Variants in TIPIN observed in about 807,000 individuals in gnomAD.
The protein encoded by TIPIN is TIMELESS-interacting protein.
Under a neutral mutation model 35.6 loss-of-function variants are expected in TIPIN, and 29 were observed. The observed-to-expected ratio is 0.82, with a 90% confidence interval of 0.61 to 1.11. The LOEUF (loss-of-function observed/expected upper bound fraction) is 1.11, where lower values mean the gene tolerates loss of function less well. TIPIN is among the 50% of genes most tolerant of loss of function. The probability of loss-of-function intolerance (pLI) is 0.00; values close to 1 mark genes in which losing one functional copy is unlikely to be tolerated. For missense variants in TIPIN, 296 were observed against 345.4 expected (o/e 0.86, Z 1.13); for synonymous variants, 102 against 121.5 (o/e 0.84, Z 1.06).
intron 1 of TIPIN, chr15:66,382,409 G>A (rs1445120107): frequency 2.0e-6 from 2 of 982,960 alleles, no homozygotes; most frequent in Admixed American, 6.2e-5. Context: ...GGTTGTCCTT[G>A]TATTTCTTCT....
intron 1 of TIPIN, among the ~76,000 whole-genome samples, chr15:66,374,639 G>A (rs1342448113): frequency 6.6e-6 from 1 of 152,062 alleles, no homozygotes; most frequent in South Asian, 2.1e-4. Context: ...GAGTGCAATG[G>A]TGCCGTCTCG....
At chr15:66,341,048 C>A in intron 7 of TIPIN, 102 bp downstream of exon 7, 1 of 1,020,736 alleles carries the variant, frequency 9.8e-7, no homozygotes, top group Non-Finnish European at 1.5e-6. Flanking sequence ...CACTTTTCCA[C>A]TCCTAGAAGT....
In TIPIN at chr15:66,364,966, C is replaced by CAAAAA. The variant is rs138230933; in HGVS notation, c.-8-12016_-8-12012dup. On this transcript the variant is annotated intron_variant, in intron 1 of 7. Coordinates refer to the TIPIN transcript ENST00000562124. ...GGGTGACAAGAGTGAAACTCCATCT[C>CAAAAA]AAAAAAAAAGAAAAAGAAAAAGAAA... Among the ~76,000 whole-genome samples the CAAAAA allele has an allele frequency of 1.1e-3, 80 of 76,130 alleles. 3 individuals are homozygous for CAAAAA. Among genetic ancestry groups the CAAAAA allele is most frequent in the African/African-American group, 3.7e-3 (71 of 19,098 alleles). The allele number at this position is 76,130 out of a possible 152,430, so 49.9% of individuals were successfully genotyped here.
At chr15:66,382,407 T>A (rs777412928) in intron 1 of TIPIN, 1 of 983,226 alleles carries the variant, frequency 1.0e-6, no homozygotes, top group Non-Finnish European at 1.2e-6. Flanking sequence ...CTGGTTGTCC[T>A]TGTATTTCTT....
chr15:66,371,524 T>A (rs960110711), intron 1 of TIPIN: 69 of 433,808 alleles, frequency 1.6e-4, no homozygotes, highest in Admixed American at 2.6e-4. Context: ...GTTTCTTTTT[T>A]TTTTTTGGAG....
At chr15:66,371,103 C>T (rs546409665) in intron 1 of TIPIN, 13 of 403,140 alleles carry the variant, frequency 3.2e-5, no homozygotes, top group African/African-American at 1.8e-4. Context: ...ACCAGCTACT[C>T]GGAAGGCTGA....
chr15:66,379,359 G>A, intron 1 of TIPIN: 2 of 1,596,718 alleles, frequency 1.3e-6, no homozygotes, highest in East Asian at 4.5e-5. Flanking sequence ...CTGCTGAACA[G>A]TTCCTTTTTC....
chr15:66,350,391 A>T (rs1382876956), intron 4 of TIPIN, among the ~76,000 whole-genome samples: 1 of 141,888 alleles, frequency 7.0e-6, no homozygotes, highest in Non-Finnish European at 1.5e-5. Context: ...GGATGACCTG[A>T]GTCAGGAGTT....
At chr15:66,381,763 C>G (rs751183538) in intron 1 of TIPIN, among the ~76,000 whole-genome samples, 1 of 152,160 alleles carries the variant, frequency 6.6e-6, no homozygotes, top group Non-Finnish European at 1.5e-5. Flanking sequence ...AGGAAAGCCT[C>G]TATAAATTAT....
At chr15:66,350,550 A>G (rs990410417) in intron 4 of TIPIN, among the ~76,000 whole-genome samples, 2 of 151,708 alleles carry the variant, frequency 1.3e-5, no homozygotes, top group Non-Finnish European at 2.9e-5. Context: ...GGTTGCAGTG[A>G]GCCAAGGTCG....
intron 6 of TIPIN, 91 bp downstream of exon 6, chr15:66,348,969 C>T (rs1566974883): frequency 1.2e-5 from 12 of 994,390 alleles, no homozygotes; most frequent in East Asian, 2.6e-5. Context: ...AAAAGCAAAG[C>T]GCTGGGATTA....
intron 6 of TIPIN, among the ~76,000 whole-genome samples, chr15:66,348,614 G>C (rs1409282966): frequency 6.6e-6 from 1 of 151,578 alleles, no homozygotes; most frequent in Non-Finnish European, 1.5e-5. Flanking sequence ...CTTGAACTGG[G>C]ACCCAGGAGA....
At chr15:66,368,885 T>G (rs1256259224) in intron 1 of TIPIN, among the ~76,000 whole-genome samples, 1 of 152,210 alleles carries the variant, frequency 6.6e-6, no homozygotes, top group Non-Finnish European at 1.5e-5. Flanking sequence ...CAGAGACTTT[T>G]TAAAAGATCA....
intron 2 of TIPIN, 75 bp from the exon 3 acceptor site, chr15:66,352,282 C>G: frequency 1.7e-6 from 2 of 1,200,106 alleles, no homozygotes; most frequent in Non-Finnish European, 2.4e-6. Context: ...CATTTCCAAG[C>G]TGATAAGATA....
upstream of TIPIN, among the ~76,000 whole-genome samples, chr15:66,357,679 C>T (rs907160446): frequency 3.3e-5 from 5 of 150,284 alleles, no homozygotes; most frequent in Non-Finnish European, 1.5e-5. Context: ...TACTTGGGGC[C>T]GGGTGCAGTG....
chr15:66,347,478 A>T (rs993749830), intron 6 of TIPIN: 1 of 267,126 alleles, frequency 3.7e-6, no homozygotes, highest in Non-Finnish European at 7.7e-6. Context: ...TTTTATCTTG[A>T]TATATATTTT....
At position 66,382,856 on chromosome 15, in the gene TIPIN, T is replaced by C. The variant is rs569062211; in HGVS notation, c.-9+3751A>G. The stretch of plus-strand genomic sequence containing the variant: ...ATTATACATCACTGATTCATACACA[T>C]ATAGTTCAGTCTTATTCTTGTCTGT... On this transcript the variant is annotated intron_variant, in intron 1 of 7. Transcript: ENST00000562124. The C allele has an allele frequency of 7.4e-6, 5 of 674,160 alleles. No individual in the cohort carries two copies. In the Admixed American group the frequency reaches 3.1e-4, roughly 42 times the overall value. The allele number at this position is 674,160 out of a possible 1,614,324, so 41.8% of individuals were successfully genotyped here. A position where few individuals can be genotyped will look rare whatever the true frequency, so the allele number is the denominator to read the frequency against.
intron 4 of TIPIN, among the ~76,000 whole-genome samples, chr15:66,349,864 C>T (rs546048649): frequency 6.6e-6 from 1 of 151,976 alleles, no homozygotes; most frequent in Admixed American, 6.6e-5. Flanking sequence ...TGGGTGACAG[C>T]GAGATCCTAT....
At position 66,352,944 on chromosome 15, in the gene TIPIN, G is replaced by T. The variant is rs565441627; in HGVS notation, c.4C>A (p.Leu2Ile). The T allele has an allele frequency of 6.8e-6, 11 of 1,612,466 alleles. No homozygotes were observed. The South Asian group carries it at 8.8e-5, about 13-fold the overall frequency. The change falls in exon 2 of 8, where the codon CTA (leucine) becomes ATA (isoleucine). Residue 2 changes from leucine to isoleucine, a missense_variant. Physicochemically the swap from Leu to Ile is conservative, Grantham distance 5. Transcript: ENST00000261881. M[L>I]EPQENGVIDL... is the part of the protein sequence containing the mutation. ...ATCACGCCATTCTCCTGTGGTTCTA[G>T]CATCTTTTCCTCTAGGGGAAAAAAT...
Sources: allele counts gnomAD v4.1 joint callset (sites outside exome capture counted in the v4.1 genomes callset), GRCh38; gene constraint gnomAD v4.1.1; transcripts MANE v1.5; gene names NCBI Gene and HGNC (gene_info 2026-07-23, HGNC 2026-07-21).